The following NUDC variants were observed in gnomAD, a reference collection of about 807,000 sequenced individuals.
NUDC encodes nuclear migration protein nudC.
NUDC carries 14 observed loss-of-function variants against 45.0 expected under a neutral mutation model. The observed-to-expected ratio is 0.31, with a 90% CI of 0.21 to 0.49. NUDC has a LOEUF of 0.49. Among genes scored for constraint, NUDC ranks in the 20% least tolerant of loss-of-function variants. The pLI, the probability that NUDC is intolerant of heterozygous loss-of-function variation, is 0.99. For missense variants in NUDC, 323 were observed against 426.2 expected (o/e 0.76, Z 2.13); for synonymous variants, 153 against 156.7 (o/e 0.98, Z 0.17).
At chr1:26,932,194 T>G (rs1365879194) in intron 2 of NUDC, among the ~76,000 whole-genome samples, 1 of 151,270 alleles carries the variant, frequency 6.6e-6, no homozygotes, top group African/African-American at 2.4e-5. Flanking sequence ...TTTTTTTTTT[T>G]GAGACAGAGT....
intron 3 of NUDC, chr1:26,911,805 C>T (rs768396796): frequency 6.2e-7 from 1 of 1,613,850 alleles, no homozygotes; most frequent in Non-Finnish European, 8.5e-7. Flanking sequence ...TCAGCACTGC[C>T]AGCCTCTGCC....
rs112285873 is a variant in NUDC, at chr1:26,938,607, CAG to C, written c.160-2849_160-2848del. Among the ~76,000 whole-genome samples, 615 of 152,098 alleles carry C rather than the reference CAG, an allele frequency of 4.0e-3. 6 individuals are homozygous for C. Among genetic ancestry groups the C allele is most frequent in the African/African-American group, 0.014 (589 of 41,476 alleles). The stretch of plus-strand genomic sequence containing the variant: ...GGAGCTACTGTGGTGTGGCATGGGA[CAG>C]GGGGTTTGGGCATAGCAGGAGAATT... On this transcript the variant is annotated intron_variant, in intron 2 of 8. Coordinates refer to ENST00000321265, the MANE Select transcript of NUDC (RefSeq NM_006600.4).
chr1:26,905,373 C>T (rs943696033), intron 2 of NUDC, among the ~76,000 whole-genome samples: 8 of 151,530 alleles, frequency 5.3e-5, no homozygotes, highest in East Asian at 1.9e-4. Context: ...GCTGGCCAGG[C>T]TGGTCTCGAA....
chr1:26,913,283 T>C, intron 3 of NUDC: 1 of 889,082 alleles, frequency 1.1e-6, no homozygotes, highest in Non-Finnish European at 1.8e-6. Context: ...TGAGACTCTG[T>C]CTCAGAAAAA....
intron 3 of NUDC, among the ~76,000 whole-genome samples, chr1:26,912,558 G>A (rs919215068): frequency 3.9e-5 from 6 of 152,100 alleles, no homozygotes; most frequent in African/African-American, 9.7e-5. Context: ...TAATTACTAC[G>A]ATTTATGCGT....
At chr1:26,930,640 T>G (rs892615504) in intron 2 of NUDC, among the ~76,000 whole-genome samples, 2 of 148,996 alleles carry the variant, frequency 1.3e-5, no homozygotes, top group African/African-American at 5.0e-5. Flanking sequence ...AGCCCAGGAG[T>G]TTGAGGCTGC....
chr1:26,921,560 G>A (rs1489855047), upstream of NUDC, among the ~76,000 whole-genome samples: 2 of 152,208 alleles, frequency 1.3e-5, no homozygotes, highest in African/African-American at 4.8e-5. Flanking sequence ...CAAACTCTCG[G>A]GCCCACGGCT....
intron 2 of NUDC, among the ~76,000 whole-genome samples, chr1:26,929,952 A>T (rs1570730923): frequency 6.6e-6 from 1 of 152,222 alleles, no homozygotes; most frequent in African/African-American, 2.4e-5. Flanking sequence ...TGAACCCAGG[A>T]GGCGGAGGTT....
upstream of NUDC, among the ~76,000 whole-genome samples, chr1:26,921,019 A>G (rs116402567): frequency 1.3e-4 from 20 of 152,330 alleles, no homozygotes; most frequent in African/African-American, 4.8e-4. Context: ...ATAAGCTAAA[A>G]AAAGGGATAA....
At chr1:26,946,063 G>C (rs2082315351) in intron 8 of NUDC, 67 bp from the exon 9 acceptor site, 2 of 1,479,266 alleles carry the variant, frequency 1.4e-6, no homozygotes, top group African/African-American at 2.8e-5. Context: ...TGACACGGGG[G>C]TGCTGGGAGA....
At chr1:26,908,188 A>G (rs572483304) in intron 2 of NUDC, among the ~76,000 whole-genome samples, 6 of 152,010 alleles carry the variant, frequency 3.9e-5, no homozygotes, top group African/African-American at 7.3e-5. Flanking sequence ...TAAAAAAAAA[A>G]AAGAGTCTTA....
intron 2 of NUDC, among the ~76,000 whole-genome samples, chr1:26,929,389 A>G (rs1464020995): frequency 6.6e-6 from 1 of 151,806 alleles, no homozygotes; most frequent in Admixed American, 6.6e-5. Context: ...CCTGGGCAAC[A>G]TAGCAAGACC....
chr1:26,904,606 A>C (rs1381272034), intron 2 of NUDC, among the ~76,000 whole-genome samples: 1 of 152,022 alleles, frequency 6.6e-6, no homozygotes, highest in African/African-American at 2.4e-5. Flanking sequence ...CTGACTTTTA[A>C]AGACACAAGT....
chr1:26,934,472 C>G (rs2082210278), intron 2 of NUDC, among the ~76,000 whole-genome samples: 1 of 152,102 alleles, frequency 6.6e-6, no homozygotes, highest in Non-Finnish European at 1.5e-5. Flanking sequence ...GCCCCTGGTA[C>G]CCCCGCCAAA....
At chr1:26,946,058 C>T (rs1157757555) in intron 8 of NUDC, 72 bp from the exon 9 acceptor site, 26 of 1,448,478 alleles carry the variant, frequency 1.8e-5, no homozygotes, top group Non-Finnish European at 2.3e-5. Context: ...AGACTTGACA[C>T]GGGGGTGCTG....
At chr1:26,923,795 A>T (rs981424934) in intron 1 of NUDC, among the ~76,000 whole-genome samples, 2 of 152,086 alleles carry the variant, frequency 1.3e-5, no homozygotes, top group African/African-American at 4.8e-5. Context: ...TGGAGAGGAA[A>T]GCTGGGCCCA....
chr1:26,944,744 GTGAGCTGACTGCACCA>G (rs940879398), intron 6 of NUDC, among the ~76,000 whole-genome samples: 2 of 152,076 alleles, frequency 1.3e-5, no homozygotes, highest in African/African-American at 4.8e-5. Context: ...GGAGGTTGCA[GTGAGCTGACTGCACCA>G]CTGCACATGG....
At chr1:26,900,428 G>C (rs765898590) in intron 1 of NUDC, 1 of 1,609,034 alleles carries the variant, frequency 6.2e-7, no homozygotes, top group Non-Finnish European at 8.5e-7. Context: ...CCTCCGCCTC[G>C]CCGGGCACCG....
chr1:26,900,383 G>A (rs757629696), exon 1 of NUDC: 1 of 1,613,866 alleles, frequency 6.2e-7, no homozygotes, highest in Admixed American at 1.7e-5. Context: ...ACACGGAGGG[G>A]ATACCGCTCA....
Sources: allele counts gnomAD v4.1 joint callset (sites outside exome capture counted in the v4.1 genomes callset), GRCh38; gene constraint gnomAD v4.1.1; transcripts MANE v1.5; gene names NCBI Gene and HGNC (gene_info 2026-07-23, HGNC 2026-07-21).